The following PHYHIPL variants were observed in gnomAD, a reference collection of about 807,000 sequenced individuals.
The protein encoded by PHYHIPL is phytanoyl-CoA 2-hydroxylase interacting protein like, also known as phytanoyl-CoA hydroxylase-interacting protein-like.
PHYHIPL carries 9 observed loss-of-function variants against 33.4 expected under a neutral mutation model. That is an observed-to-expected ratio of 0.27 (90% CI 0.16 to 0.47). PHYHIPL has a LOEUF of 0.47. PHYHIPL is among the 20% of genes least tolerant of loss of function. PHYHIPL has a pLI of 0.99. For synonymous variants in PHYHIPL, 153 were observed against 154.1 expected (o/e 0.99, Z 0.05); for missense variants, 365 against 460.7 (o/e 0.79, Z 1.90).
At chr10:59,228,885 C>T (rs1839999031) in intron 1 of PHYHIPL, among the ~76,000 whole-genome samples, 1 of 152,006 alleles carries the variant, frequency 6.6e-6, no homozygotes, top group African/African-American at 2.4e-5. Flanking sequence ...TTTAGTTTGG[C>T]TTTTATTGTA....
At chr10:59,237,671 T>A (rs1009605819) in intron 3 of PHYHIPL, among the ~76,000 whole-genome samples, 3 of 151,890 alleles carry the variant, frequency 2.0e-5, no homozygotes, top group Non-Finnish European at 4.4e-5. Flanking sequence ...CTAGGCACTG[T>A]ACAATGTATT....
At position 59,234,344 on chromosome 10, in the gene PHYHIPL, A is replaced by G. The variant is rs140459351; in HGVS notation, c.147A>G (p.Glu49=). 3.1e-6 allele frequency: 5 copies of G among 1,595,056 alleles called. No individual in the cohort carries two copies. The highest frequency in any genetic ancestry group is 4.3e-6 in the Non-Finnish European group (5 of 1,173,804). The part of the protein sequence containing the change: ...SQDSGIAEME[E]LPVPHNIKIS... ...ACAGTGGCATAGCAGAGATGGAAGA[A>G]CTTCCTGTACCACATAACATCAAAA... Residue 49 remains glutamate, a synonymous_variant, in exon 2 of 5, where the codon GAA becomes GAG. Coordinates refer to ENST00000373880, the MANE Select transcript of PHYHIPL (RefSeq NM_032439.4).
At chr10:59,214,033 GA>G (rs1472931477) in intron 1 of PHYHIPL, among the ~76,000 whole-genome samples, 1 of 151,982 alleles carries the variant, frequency 6.6e-6, no homozygotes, top group African/African-American at 2.4e-5. Context: ...TCCATGGGGG[GA>G]AAGATGGATT....
chr10:59,177,550 C>A (rs140751348), intron 1 of PHYHIPL: 1 of 1,551,594 alleles, frequency 6.4e-7, no homozygotes, highest in African/African-American at 1.4e-5. Context: ...TTCATGGTTC[C>A]TGGGCTCTGA....
intron 1 of PHYHIPL, among the ~76,000 whole-genome samples, chr10:59,223,778 G>A (rs1839843146): frequency 6.6e-6 from 1 of 151,978 alleles, no homozygotes; most frequent in African/African-American, 2.4e-5. Context: ...TCCCACCTCA[G>A]CCTCCCAAGT....
intron 1 of PHYHIPL, among the ~76,000 whole-genome samples, chr10:59,204,249 C>T (rs1041044947): frequency 1.3e-5 from 2 of 152,078 alleles, no homozygotes; most frequent in African/African-American, 4.8e-5. Flanking sequence ...GGAGACTAGA[C>T]CTTAAGTTAA....
intron 1 of PHYHIPL, chr10:59,206,801 C>T: frequency 8.1e-7 from 1 of 1,233,676 alleles, no homozygotes; most frequent in Non-Finnish European, 1.0e-6. Context: ...AGGATAAAAG[C>T]ACCATTGGTT....
intron 1 of PHYHIPL, chr10:59,221,745 C>T (rs1030874256): frequency 4.3e-6 from 4 of 922,250 alleles, no homozygotes; most frequent in Non-Finnish European, 5.2e-6. Context: ...CATAAAAGCT[C>T]AAATCTCTAA....
chr10:59,241,075 A>G (rs1840381872), intron 4 of PHYHIPL, among the ~76,000 whole-genome samples: 1 of 152,160 alleles, frequency 6.6e-6, no homozygotes, highest in Non-Finnish European at 1.5e-5. Context: ...GTACGTATAA[A>G]TAAATATACT....
chr10:59,226,269 A>G (rs985255793), intron 1 of PHYHIPL, among the ~76,000 whole-genome samples: 1 of 152,212 alleles, frequency 6.6e-6, no homozygotes, highest in African/African-American at 2.4e-5. Context: ...TTTTTCTTTC[A>G]GAATGTAAAG....
At chr10:59,244,293 G>T (rs1226980372) in intron 4 of PHYHIPL, among the ~76,000 whole-genome samples, 1 of 152,236 alleles carries the variant, frequency 6.6e-6, no homozygotes, top group East Asian at 1.9e-4. Flanking sequence ...AGGGCTGAGC[G>T]TGGTGGCTCA....
At chr10:59,177,149 G>T in intron 1 of PHYHIPL, 190 bp downstream of exon 1, 1 of 611,250 alleles carries the variant, frequency 1.6e-6, no homozygotes, top group Non-Finnish European at 2.8e-6. Context: ...AGGACCCCGG[G>T]GCTCGCGCCT....
chr10:59,237,189 G>A (rs902837167), intron 3 of PHYHIPL, among the ~76,000 whole-genome samples: 1 of 151,762 alleles, frequency 6.6e-6, no homozygotes. Context: ...GTATACATAT[G>A]TGTGTCTTTG....
chr10:59,198,025 T>A (rs1838970274), intron 1 of PHYHIPL, among the ~76,000 whole-genome samples: 1 of 151,366 alleles, frequency 6.6e-6, no homozygotes, highest in African/African-American at 2.4e-5. Context: ...ATCTCTTTAT[T>A]TTTTTTAAGT....
intron 1 of PHYHIPL, among the ~76,000 whole-genome samples, chr10:59,217,352 A>G (rs2436566): frequency 0.76 from 115,135 of 151,864 alleles, 45,426 homozygotes; most frequent in East Asian, 0.9. Context: ...GTTTAAAAGC[A>G]TATTTGATAA....
At chr10:59,179,720 A>T (rs1330829717) in intron 1 of PHYHIPL, among the ~76,000 whole-genome samples, 1 of 151,946 alleles carries the variant, frequency 6.6e-6, no homozygotes, top group Non-Finnish European at 1.5e-5. Context: ...TGAATTGATG[A>T]TTACATTATA....
At chr10:59,232,756 T>C (rs2133282646) in intron 1 of PHYHIPL, among the ~76,000 whole-genome samples, 1 of 96,216 alleles carries the variant, frequency 1.0e-5, no homozygotes, top group East Asian at 2.4e-4. Context: ...ACAAAAATTC[T>C]ACTATCAGAG....
chr10:59,202,413 A>C (rs996884043), intron 1 of PHYHIPL, among the ~76,000 whole-genome samples: 1 of 152,222 alleles, frequency 6.6e-6, no homozygotes, highest in Non-Finnish European at 1.5e-5. Flanking sequence ...CCAAGGAAAA[A>C]TTTGAAGCAT....
At chr10:59,194,303 A>G (rs1838854460) in intron 1 of PHYHIPL, among the ~76,000 whole-genome samples, 1 of 152,010 alleles carries the variant, frequency 6.6e-6, no homozygotes, top group South Asian at 2.1e-4. Flanking sequence ...TGGATCCACC[A>G]TTGAATGTTT....
Sources: allele counts gnomAD v4.1 joint callset (sites outside exome capture counted in the v4.1 genomes callset), GRCh38; gene constraint gnomAD v4.1.1; transcripts MANE v1.5; gene names NCBI Gene and HGNC (gene_info 2026-07-23, HGNC 2026-07-21).